Variants in KHDRBS2 observed in about 807,000 individuals in gnomAD.
The protein encoded by KHDRBS2 is KH RNA binding domain containing, signal transduction associated 2.
A neutral mutation model predicts 44.3 loss-of-function variants in KHDRBS2; 26 were observed. The ratio of observed to expected loss-of-function variants is 0.59; its 90% confidence interval spans 0.43 to 0.81. KHDRBS2 has a LOEUF of 0.81. Ranked by LOEUF, KHDRBS2 falls within the 40% of genes least tolerant of loss-of-function variation. The pLI, the probability that KHDRBS2 is intolerant of heterozygous loss-of-function variation, is 0.00. For synonymous variants in KHDRBS2, 194 were observed against 151.1 expected, an observed-to-expected ratio of 1.28 and a Z score of -2.08; for missense variants, 476 against 433.1, an observed-to-expected ratio of 1.10 and a Z score of -0.88.
At chr6:61,712,088 G>A (rs1224847696) in intron 7 of KHDRBS2, among the ~76,000 whole-genome samples, 2 of 151,694 alleles carry the variant, frequency 1.3e-5, no homozygotes, top group Non-Finnish European at 2.9e-5. Flanking sequence ...TCAGGCACAT[G>A]GGGGAGCTCT....
chr6:62,251,040 T>C (rs1836437659), intron 1 of KHDRBS2, among the ~76,000 whole-genome samples: 1 of 151,924 alleles, frequency 6.6e-6, no homozygotes, highest in African/African-American at 2.4e-5. Flanking sequence ...AGTTAAATCA[T>C]TGAGGTTGAT....
the KHDRBS2 span, among the ~76,000 whole-genome samples, chr6:61,672,913 C>T: frequency 4.9e-4 from 74 of 151,310 alleles, no homozygotes; most frequent in African/African-American, 7.8e-4. Flanking sequence ...AGACATGAAG[C>T]CCTTGCCCAT....
chr6:62,198,769 C>A (rs1336772075), intron 1 of KHDRBS2, among the ~76,000 whole-genome samples: 2 of 152,112 alleles, frequency 1.3e-5, no homozygotes, highest in African/African-American at 4.8e-5. Context: ...CAAAGCCTGG[C>A]AGAGACACAA....
intron 3 of KHDRBS2, among the ~76,000 whole-genome samples, chr6:62,012,317 C>T (rs1433248389): frequency 6.6e-6 from 1 of 152,156 alleles, no homozygotes; most frequent in Admixed American, 6.6e-5. Flanking sequence ...GAGTTCTAGG[C>T]TTCTAGTCCA....
At chr6:62,106,309 G>A (rs1372044407) in intron 2 of KHDRBS2, among the ~76,000 whole-genome samples, 1 of 152,134 alleles carries the variant, frequency 6.6e-6, no homozygotes, top group Non-Finnish European at 1.5e-5. Context: ...TTGGTGCAGA[G>A]CTGAGTTCAA....
chr6:61,627,437 A>T, the KHDRBS2 span, among the ~76,000 whole-genome samples: 2 of 152,116 alleles, frequency 1.3e-5, no homozygotes, highest in African/African-American at 4.8e-5. Context: ...TAGATAGTTT[A>T]TGCTGATTAG....
chr6:62,189,869 T>C (rs1264884053), intron 1 of KHDRBS2, among the ~76,000 whole-genome samples: 6 of 152,132 alleles, frequency 3.9e-5, no homozygotes, highest in African/African-American at 1.4e-4. Flanking sequence ...TAAGTTGTAC[T>C]TTGGCTACAC....
intron 2 of KHDRBS2, among the ~76,000 whole-genome samples, chr6:62,070,892 C>G (rs977364598): frequency 5.3e-5 from 8 of 152,128 alleles, no homozygotes; most frequent in Non-Finnish European, 1.2e-4. Flanking sequence ...ATTTCTAGTT[C>G]TAGATCCTTG....
At chr6:62,104,507 T>G (rs1802684131) in intron 2 of KHDRBS2, among the ~76,000 whole-genome samples, 1 of 152,156 alleles carries the variant, frequency 6.6e-6, no homozygotes, top group African/African-American at 2.4e-5. Flanking sequence ...TCTTGATTAT[T>G]CCCAAATACT....
rs193010709 is a variant in KHDRBS2, at chr6:61,723,891, T to C, written c.893+8791A>G. Among the ~76,000 whole-genome samples, 376 of 151,842 alleles carry C rather than the reference T, an allele frequency of 2.5e-3. 1 individual carries two copies. Among genetic ancestry groups the C allele is most frequent in the South Asian group, 3.1e-3 (15 of 4,822 alleles). ...GGGAGAATGGAACGAAGTTGTAAAC[T>C]TGAATATCATCCAGAAGAACTTCCC... On this transcript the variant is annotated intron_variant, in intron 7 of 8. Transcript: ENST00000281156.
the KHDRBS2 span, among the ~76,000 whole-genome samples, chr6:61,627,020 G>A: frequency 6.6e-6 from 1 of 151,948 alleles, no homozygotes; most frequent in Admixed American, 6.6e-5. Flanking sequence ...TTGGGAGGCC[G>A]AGGCGGGAGG....
intron 5 of KHDRBS2, among the ~76,000 whole-genome samples, chr6:61,899,691 T>G (rs1482124918): frequency 6.6e-6 from 1 of 151,346 alleles, no homozygotes; most frequent in Non-Finnish European, 1.5e-5. Flanking sequence ...ATTACTATGA[T>G]GATTTCATAA....
At chr6:61,876,694 G>A (rs1408466516) in intron 6 of KHDRBS2, among the ~76,000 whole-genome samples, 2 of 152,004 alleles carry the variant, frequency 1.3e-5, no homozygotes, top group African/African-American at 4.8e-5. Context: ...AAAAGGACGG[G>A]AGGAGCTTGA....
intron 6 of KHDRBS2, among the ~76,000 whole-genome samples, chr6:61,836,193 T>C (rs1270451313): frequency 6.6e-6 from 1 of 151,958 alleles, no homozygotes; most frequent in African/African-American, 2.4e-5. Context: ...ATCTGAACAA[T>C]AATATTTAGA....
chr6:61,620,185 A>G, the KHDRBS2 span, among the ~76,000 whole-genome samples: 3,719 of 152,276 alleles, frequency 0.024, 70 homozygotes, highest in Middle Eastern at 0.088. Flanking sequence ...AAATAAAACT[A>G]TAAGCATTCA....
the KHDRBS2 span, chr6:61,574,425 A>G: frequency 4.0e-6 from 6 of 1,497,640 alleles, no homozygotes; most frequent in Non-Finnish European, 5.3e-6. Context: ...AGAAGACCAT[A>G]TGGAGCTTCA....
intron 1 of KHDRBS2, among the ~76,000 whole-genome samples, chr6:62,251,379 G>A (rs1483724216): frequency 6.6e-6 from 1 of 151,600 alleles, no homozygotes; most frequent in African/African-American, 2.4e-5. Flanking sequence ...TTGGGTAAAG[G>A]GTATATTGGT....
intron 4 of KHDRBS2, among the ~76,000 whole-genome samples, chr6:61,935,243 G>C (rs1156789227): frequency 6.6e-6 from 1 of 152,156 alleles, no homozygotes; most frequent in African/African-American, 2.4e-5. Flanking sequence ...TGGAATGTAG[G>C]AAAGTATCAG....
At chr6:62,124,408 C>T (rs1169875417) in intron 2 of KHDRBS2, among the ~76,000 whole-genome samples, 1 of 152,182 alleles carries the variant, frequency 6.6e-6, no homozygotes, top group African/African-American at 2.4e-5. Context: ...CATCAACAGA[C>T]ACCACTTTAA....
Sources: gnomAD v4.1 joint callset for allele counts (sites outside exome capture counted in the v4.1 genomes callset) on GRCh38, gnomAD v4.1.1 for gene constraint, MANE v1.5 for transcripts, NCBI Gene and HGNC (gene_info 2026-07-23, HGNC 2026-07-21) for gene names.